The following NAALADL2 variants were observed in gnomAD, a reference collection of about 807,000 sequenced individuals.
NAALADL2 encodes inactive N-acetylated-alpha-linked acidic dipeptidase-like protein 2.
NAALADL2 carries 76 observed loss-of-function variants against 87.2 expected under a neutral mutation model. The ratio of observed to expected loss-of-function variants is 0.87; its 90% CI spans 0.72 to 1.05. NAALADL2 has a LOEUF of 1.05. Among genes scored for constraint, NAALADL2 ranks in the 50% least tolerant of loss-of-function variants. The probability of loss-of-function intolerance (pLI) is 0.00; values close to 1 mark genes in which losing one functional copy is unlikely to be tolerated. For missense variants in NAALADL2, 1,089 were observed against 945.8 expected, an observed-to-expected ratio of 1.15 and a Z score of -1.99; for synonymous variants, 354 against 331.0, an observed-to-expected ratio of 1.07 and a Z score of -0.75.
At chr3:175,635,411 A>T (rs2149740309) in intron 11 of NAALADL2, among the ~76,000 whole-genome samples, 1 of 152,214 alleles carries the variant, frequency 6.6e-6, no homozygotes, top group African/African-American at 2.4e-5. Context: ...TTCTTTTATC[A>T]TACTTTTAAA....
chr3:174,567,292 A>G (rs987748805), intron 2 of NAALADL2, among the ~76,000 whole-genome samples: 2 of 151,670 alleles, frequency 1.3e-5, no homozygotes, highest in African/African-American at 2.4e-5. Flanking sequence ...ATAATAGTTC[A>G]TATCTTTAAA....
rs147875443 is a variant in NAALADL2, at chr3:175,644,482, C to G, written c.1896+17096C>G. ...AGGGGCACAATTTGCATTTTTCAAT[C>G]TAATTTATTGAGATTTCCATTCTTT... is the stretch of plus-strand genomic sequence containing the variant. On this transcript the variant is annotated intron_variant, in intron 11 of 13. Transcript: ENST00000454872. 1.7e-3 allele frequency among the ~76,000 whole-genome samples: 261 copies of G among 152,104 alleles called. 4 individuals carry two copies. The highest frequency in any genetic ancestry group is 5.9e-3 in the African/African-American group (243 of 41,518).
chr3:175,568,424 T>C (rs1421698221), intron 9 of NAALADL2, among the ~76,000 whole-genome samples: 3 of 152,258 alleles, frequency 2.0e-5, no homozygotes, highest in Non-Finnish European at 4.4e-5. Context: ...ATGATAAAAA[T>C]TTAAAAAGAC....
chr3:174,789,321 A>G (rs1370357278), intron 3 of NAALADL2, among the ~76,000 whole-genome samples: 2 of 152,184 alleles, frequency 1.3e-5, no homozygotes, highest in African/African-American at 4.8e-5. Context: ...AAAGGAGTGG[A>G]GCCACCAGAA....
intron 2 of NAALADL2, among the ~76,000 whole-genome samples, chr3:174,615,021 C>CTAA (rs1479937973): frequency 2.0e-5 from 3 of 152,158 alleles, no homozygotes; most frequent in Admixed American, 2.0e-4. Flanking sequence ...TGCTTTGTAA[C>CTAA]AGTGCATTTA....
intron 1 of NAALADL2, among the ~76,000 whole-genome samples, chr3:174,457,641 T>C (rs1325689161): frequency 1.3e-5 from 2 of 152,128 alleles, no homozygotes; most frequent in Non-Finnish European, 2.9e-5. Flanking sequence ...CTGGCCAATG[T>C]GGTGAAACCC....
intron 3 of NAALADL2, among the ~76,000 whole-genome samples, chr3:174,752,119 A>C (rs1255827170): frequency 1.3e-5 from 2 of 151,832 alleles, no homozygotes; most frequent in Non-Finnish European, 2.9e-5. Flanking sequence ...CTGGGACTAT[A>C]GGCGCCCGCC....
chr3:174,840,892 TGGTA>T (rs1231072380), intron 3 of NAALADL2, among the ~76,000 whole-genome samples: 4 of 152,050 alleles, frequency 2.6e-5, no homozygotes, highest in African/African-American at 4.8e-5. Flanking sequence ...CAATACTAGC[TGGTA>T]GGTAGTCAGC....
intron 4 of NAALADL2, among the ~76,000 whole-genome samples, chr3:175,268,572 G>C (rs1370796839): frequency 6.6e-6 from 1 of 151,830 alleles, no homozygotes; most frequent in Non-Finnish European, 1.5e-5. Flanking sequence ...TTTACTTTAT[G>C]AACTTTTTAC....
chr3:175,398,455 T>C (rs1770121937), intron 5 of NAALADL2, among the ~76,000 whole-genome samples: 1 of 151,008 alleles, frequency 6.6e-6, no homozygotes, highest in Admixed American at 6.6e-5. Flanking sequence ...ATGAAAGCAC[T>C]GTATGGTTCT....
intron 6 of NAALADL2, among the ~76,000 whole-genome samples, chr3:175,448,422 TGTA>T (rs1247391805): frequency 1.7e-4 from 26 of 152,322 alleles, no homozygotes; most frequent in African/African-American, 5.5e-4. Context: ...AAAATAATAG[TGTA>T]GTTGTAAGAG....
chr3:174,781,714 G>A (rs1420925570), intron 3 of NAALADL2, among the ~76,000 whole-genome samples: 1 of 151,930 alleles, frequency 6.6e-6, no homozygotes, highest in Non-Finnish European at 1.5e-5. Context: ...TAAAAGAGTT[G>A]ATGATACAAA....
intron 5 of NAALADL2, among the ~76,000 whole-genome samples, chr3:175,366,756 T>C (rs1765638865): frequency 6.6e-6 from 1 of 150,748 alleles, no homozygotes; most frequent in African/African-American, 2.4e-5. Flanking sequence ...ATTCTGGATA[T>C]TAGCCCTTTG....
At chr3:174,638,864 G>A (rs9878679) in intron 2 of NAALADL2, among the ~76,000 whole-genome samples, 117,172 of 152,136 alleles carry the variant, frequency 0.77, 46,001 homozygotes, top group African/African-American at 0.9. Flanking sequence ...TGTAAAGAAC[G>A]TGTTTTTCCT....
intron 2 of NAALADL2, among the ~76,000 whole-genome samples, chr3:175,103,276 T>C (rs531560683): frequency 2.6e-5 from 4 of 152,164 alleles, no homozygotes; most frequent in Non-Finnish European, 5.9e-5. Flanking sequence ...TTCTTCTCAA[T>C]GTACTTTTAC....
chr3:175,097,789 T>TAA (rs1721413488), intron 2 of NAALADL2, among the ~76,000 whole-genome samples: 3 of 152,162 alleles, frequency 2.0e-5, no homozygotes, highest in Admixed American at 1.3e-4. Flanking sequence ...TGTTGAGTTG[T>TAA]AAAAGGTTTT....
At chr3:174,678,702 ATATTATATTAG>A (rs1368681962) in intron 2 of NAALADL2, among the ~76,000 whole-genome samples, 1 of 152,176 alleles carries the variant, frequency 6.6e-6, no homozygotes, top group Non-Finnish European at 1.5e-5. Context: ...CCAGCTGGCT[ATATTATATTAG>A]TAAGTTCACA....
intron 2 of NAALADL2, among the ~76,000 whole-genome samples, chr3:175,226,575 G>T (rs993151203): frequency 6.6e-6 from 1 of 152,046 alleles, no homozygotes; most frequent in Non-Finnish European, 1.5e-5. Context: ...CATCTTGATT[G>T]CATTATCTAG....
chr3:175,179,413 C>T (rs567379578), intron 2 of NAALADL2, among the ~76,000 whole-genome samples: 1 of 152,020 alleles, frequency 6.6e-6, no homozygotes, highest in South Asian at 2.1e-4. Flanking sequence ...TATCAGAGTG[C>T]TCTTTATTAA....
Sources: allele counts gnomAD v4.1 joint callset (sites outside exome capture counted in the v4.1 genomes callset), GRCh38; gene constraint gnomAD v4.1.1; transcripts MANE v1.5; gene names NCBI Gene and HGNC (gene_info 2026-07-23, HGNC 2026-07-21).